Variants in GLDC observed in about 807,000 individuals in gnomAD.
GLDC encodes the protein glycine decarboxylase.
A neutral mutation model predicts 121.3 loss-of-function variants in GLDC; 104 were observed. The ratio of observed to expected loss-of-function variants is 0.86; its 90% CI spans 0.73 to 1.01. The LOEUF is 1.01. GLDC is among the 50% of genes least tolerant of loss of function. The pLI is 0.00. For missense variants in GLDC, 1,429 were observed against 1,306.6 expected (o/e 1.09, Z -1.44); for synonymous variants, 546 against 480.6 (o/e 1.14, Z -1.78).
chr9:6,608,778 A>C (rs1259216076), intron 4 of GLDC, among the ~76,000 whole-genome samples: 1 of 151,804 alleles, frequency 6.6e-6, no homozygotes, highest in Admixed American at 6.6e-5. Flanking sequence ...ATAATAAATA[A>C]ATAAATGAAA....
intron 5 of GLDC, 178 bp from the exon 6 acceptor site, chr9:6,605,456 G>C: frequency 1.5e-6 from 1 of 668,606 alleles, no homozygotes; most frequent in South Asian, 1.6e-5. Flanking sequence ...AGCAACTCAA[G>C]CGCATCCAAC....
At chr9:6,594,699 G>GCAA (rs1479396467) in intron 9 of GLDC, among the ~76,000 whole-genome samples, 3,237 of 151,610 alleles carry the variant, frequency 0.021, 101 homozygotes, top group African/African-American at 0.074. Flanking sequence ...CATTAAGCAA[G>GCAA]GAAGCAAGCA....
chr9:6,558,369 G>C (rs905674569), intron 17 of GLDC, 190 bp downstream of exon 17: 7 of 724,166 alleles, frequency 9.7e-6, no homozygotes, highest in Non-Finnish European at 1.7e-5. Flanking sequence ...TTTTACACAA[G>C]CTGGAATTAG....
Position 6,587,140 on chromosome 9 carries a change from C to G in GLDC, c.1850+1G>C, listed in dbSNP as rs774099283. ...AACAATAAGAAAAGAAATGCCCTTA[C>G]CTGTTTGGCTGGAAACAGACCTGGT... On this transcript the variant is annotated splice_donor_variant, in intron 15 of 24. Transcript: ENST00000321612. LOFTEE classifies it high-confidence loss of function. The G allele has an allele frequency of 3.1e-6, 5 of 1,611,968 alleles. No homozygotes were observed. Among genetic ancestry groups the G allele is most frequent in the Non-Finnish European group, 4.2e-6 (5 of 1,178,624 alleles).
chr9:6,628,403 G>C (rs1819291482), intron 2 of GLDC, among the ~76,000 whole-genome samples: 1 of 152,212 alleles, frequency 6.6e-6, no homozygotes, highest in South Asian at 2.1e-4. Flanking sequence ...AAACCAGCTT[G>C]CTCCTGTGCA....
chr9:6,633,326 C>T (rs180958446), intron 2 of GLDC, among the ~76,000 whole-genome samples: 1 of 152,154 alleles, frequency 6.6e-6, no homozygotes, highest in Admixed American at 6.6e-5. Context: ...TCCCCACACT[C>T]CATCCCTGGG....
At chr9:6,570,602 C>T (rs991626889) in intron 15 of GLDC, among the ~76,000 whole-genome samples, 1 of 152,052 alleles carries the variant, frequency 6.6e-6, no homozygotes, top group Non-Finnish European at 1.5e-5. Flanking sequence ...GCCTGTAATC[C>T]CAGCACTTTG....
intron 21 of GLDC, chr9:6,541,081 A>T (rs948834336): frequency 2.0e-5 from 3 of 152,214 alleles, no homozygotes; most frequent in South Asian, 2.1e-4. Flanking sequence ...AATAGGGGCA[A>T]GACCCTGTCT....
intron 15 of GLDC, among the ~76,000 whole-genome samples, chr9:6,579,630 A>G (rs539427294): frequency 2.0e-5 from 3 of 152,092 alleles, no homozygotes; most frequent in South Asian, 2.1e-4. Context: ...AAGTGCTGGG[A>G]CTGTGAGCCA....
intron 21 of GLDC, among the ~76,000 whole-genome samples, chr9:6,543,459 G>A (rs766448816): frequency 3.2e-4 from 48 of 152,256 alleles, no homozygotes; most frequent in Middle Eastern, 6.8e-3. Context: ...ATAGCTGAAA[G>A]GCACCGTCAA....
In GLDC at chr9:6,645,150, C is replaced by T. The variant is rs1306326804; in HGVS notation, c.255+95G>A. On this transcript the variant is annotated intron_variant, in intron 1 of 24. Transcript: ENST00000321612. ...CCCAGGGTGCGGGGACCACGCGGAGCGCAGCAGAGCTCAGGGTAGGAGCCG... is the reference window on the plus strand; with the variant it reads ...CCCAGGGTGCGGGGACCACGCGGAGTGCAGCAGAGCTCAGGGTAGGAGCCG... 8 of 1,271,238 alleles carry T rather than the reference C, an allele frequency of 6.3e-6. No homozygotes were observed. In the African/African-American group the frequency reaches 9.1e-5, roughly 14 times the overall value. 78.7% of individuals were successfully genotyped at this position (1,271,238 alleles called of 1,614,324 possible). A position where few individuals can be genotyped will look rare whatever the true frequency, so the allele number is the denominator to read the frequency against.
chr9:6,625,879 C>A (rs1229052212), intron 2 of GLDC, among the ~76,000 whole-genome samples: 2 of 150,450 alleles, frequency 1.3e-5, no homozygotes. Context: ...GAGTAGGACC[C>A]AAGTTTTCTG....
chr9:6,627,428 T>A (rs966938334), intron 2 of GLDC, among the ~76,000 whole-genome samples: 1 of 151,830 alleles, frequency 6.6e-6, no homozygotes, highest in African/African-American at 2.4e-5. Context: ...TATACTCTAG[T>A]CTCTATAGGA....
chr9:6,600,105 G>A (rs1003139778), intron 8 of GLDC, among the ~76,000 whole-genome samples: 11 of 152,190 alleles, frequency 7.2e-5, no homozygotes, highest in African/African-American at 2.4e-4. Flanking sequence ...GGTGGCTCAT[G>A]CCTATAATCC....
chr9:6,602,752 C>T (rs1349467827), intron 7 of GLDC, among the ~76,000 whole-genome samples: 1 of 152,000 alleles, frequency 6.6e-6, no homozygotes, highest in Non-Finnish European at 1.5e-5. Flanking sequence ...CAGACAAATA[C>T]AATAATGGTG....
intron 15 of GLDC, among the ~76,000 whole-genome samples, chr9:6,576,936 C>T (rs1257668906): frequency 6.6e-6 from 1 of 152,180 alleles, no homozygotes; most frequent in African/African-American, 2.4e-5. Flanking sequence ...AGCCACATAA[C>T]AGAGCCTTAA....
At chr9:6,565,968 G>A (rs943261172) in intron 15 of GLDC, 2 of 194,346 alleles carry the variant, frequency 1.0e-5, no homozygotes, top group East Asian at 2.7e-4. Flanking sequence ...CAGGCCGGGT[G>A]CAATGGCTCA....
At chr9:6,551,287 G>A (rs1563833519) in intron 20 of GLDC, among the ~76,000 whole-genome samples, 1 of 152,124 alleles carries the variant, frequency 6.6e-6, no homozygotes, top group Non-Finnish European at 1.5e-5. Flanking sequence ...ATAATTGCCA[G>A]GAATCCGATG....
At chr9:6,591,836 C>G (rs960857923) in intron 11 of GLDC, 3 of 221,080 alleles carry the variant, frequency 1.4e-5, no homozygotes, top group African/African-American at 6.8e-5. Flanking sequence ...TGCCCCCCCG[C>G]CCCCCTGACC....
Sources: allele counts gnomAD v4.1 joint callset (sites outside exome capture counted in the v4.1 genomes callset), GRCh38; gene constraint gnomAD v4.1.1; transcripts MANE v1.5; gene names NCBI Gene and HGNC (gene_info 2026-07-23, HGNC 2026-07-21).